The following KLHDC4 variants were observed in gnomAD, a reference collection of about 807,000 sequenced individuals.
The protein encoded by KLHDC4 is kelch domain-containing protein 4.
KLHDC4 carries 90 observed loss-of-function variants against 62.4 expected under a neutral mutation model. That is an observed-to-expected ratio of 1.44 (90% confidence interval 1.22 to 1.72). The LOEUF is 1.72. KLHDC4 is among the 40% of genes most tolerant of loss of function. The pLI, the probability that KLHDC4 is intolerant of heterozygous loss-of-function variation, is 0.00. For synonymous variants in KLHDC4, 386 were observed against 284.4 expected (o/e 1.36, Z -3.59); for missense variants, 1,025 against 699.7 (o/e 1.47, Z -5.25).
chr16:87,757,083 G>A (rs1419494298), intron 2 of KLHDC4, among the ~76,000 whole-genome samples: 2 of 151,910 alleles, frequency 1.3e-5, no homozygotes, highest in Non-Finnish European at 2.9e-5. Context: ...CCACAGTGCT[G>A]GGATTACAGG....
intron 6 of KLHDC4, among the ~76,000 whole-genome samples, chr16:87,730,316 TG>T (rs2040115858): frequency 6.6e-6 from 1 of 152,204 alleles, no homozygotes; most frequent in African/African-American, 2.4e-5. Flanking sequence ...AATTAAAATG[TG>T]GGGTCCCTTG....
chr16:87,728,481 A>G (rs1296334549), intron 6 of KLHDC4, among the ~76,000 whole-genome samples: 2 of 147,198 alleles, frequency 1.4e-5, no homozygotes, highest in Non-Finnish European at 3.0e-5. Context: ...TTTAAACAAG[A>G]TAACAACAGC....
chr16:87,764,598 A>C (rs1044607286), intron 1 of KLHDC4, among the ~76,000 whole-genome samples: 3 of 132,822 alleles, frequency 2.3e-5, no homozygotes, highest in African/African-American at 8.5e-5. Flanking sequence ...CAGTGAGCTG[A>C]GATCGCACCA....
rs532656762 is a variant in KLHDC4 at position 87,727,075 on chromosome 16, A to T, written c.600-151T>A. On this transcript the variant is annotated intron_variant, in intron 6 of 11. Coordinates refer to ENST00000270583, the MANE Select transcript of KLHDC4 (RefSeq NM_017566.4). Reference sequence around the variant, plus strand: ...TCCTCTGCTCTTACACCAACACAACAATCAACACAGAAACGTGGCCGCTTT... The same window carrying T: ...TCCTCTGCTCTTACACCAACACAACTATCAACACAGAAACGTGGCCGCTTT... 3.5e-5 allele frequency: 27 copies of T among 777,148 alleles called. No individual in the cohort carries two copies. The African/African-American group carries it at 5.7e-4, about 17-fold the overall frequency. The allele number at this position is 777,148 out of a possible 1,614,324, so 48.1% of individuals were successfully genotyped here.
chr16:87,749,830 C>G (rs764326793), intron 4 of KLHDC4, among the ~76,000 whole-genome samples: 1 of 152,188 alleles, frequency 6.6e-6, no homozygotes, highest in East Asian at 1.9e-4. Context: ...CCCGCCTCGG[C>G]CTCCCAAAGC....
At chr16:87,749,278 AGG>A (rs2043524657) in intron 4 of KLHDC4, among the ~76,000 whole-genome samples, 1 of 152,136 alleles carries the variant, frequency 6.6e-6, no homozygotes, top group Non-Finnish European at 1.5e-5. Flanking sequence ...TTTATGTGCC[AGG>A]CGCGGTGGCT....
At chr16:87,742,893 C>G (rs566173970) in intron 5 of KLHDC4, 1 of 152,348 alleles carries the variant, frequency 6.6e-6, no homozygotes, top group South Asian at 2.1e-4. Flanking sequence ...AAGACTCATT[C>G]TGCAAGGCGC....
At chr16:87,705,013 G>A (rs182322892), downstream of KLHDC4, among the ~76,000 whole-genome samples, 259 of 152,120 alleles carry the variant, frequency 1.7e-3, 2 homozygotes, top group African/African-American at 5.9e-3. Flanking sequence ...GCTGCCAAGC[G>A]GGCCGGCCAG....
chr16:87,718,278 G>A (rs958803697), intron 7 of KLHDC4, among the ~76,000 whole-genome samples: 61 of 139,038 alleles, frequency 4.4e-4, no homozygotes, highest in African/African-American at 2.7e-5. Context: ...AAACCGATTC[G>A]CTCTCGCTCT....
intron 4 of KLHDC4, among the ~76,000 whole-genome samples, chr16:87,754,958 A>G (rs1300235433): frequency 2.0e-5 from 3 of 152,130 alleles, no homozygotes; most frequent in Non-Finnish European, 4.4e-5. Context: ...GACACGAGCT[A>G]TTTTACATGG....
chr16:87,712,669 G>T (rs745583261), intron 8 of KLHDC4, among the ~76,000 whole-genome samples: 7 of 152,270 alleles, frequency 4.6e-5, no homozygotes, highest in Non-Finnish European at 1.5e-5. Flanking sequence ...CCTGGGAGAG[G>T]CACCTGGGCC....
chr16:87,702,415 C>G, exon 1 of KLHDC4: 1 of 372,512 alleles, frequency 2.7e-6, no homozygotes. Context: ...CACCCCCAGC[C>G]TGGGAACCCC....
chr16:87,733,326 G>C (rs1046304476), intron 5 of KLHDC4, among the ~76,000 whole-genome samples: 12 of 152,368 alleles, frequency 7.9e-5, no homozygotes, highest in South Asian at 2.1e-4. Flanking sequence ...AGACAGGGGT[G>C]GTGAGGAGGC....
rs564692904 is a variant in KLHDC4 at position 87,764,646 on chromosome 16, C to CAAAA, written c.99+1142_99+1145dup. On this transcript the variant is annotated intron_variant, in intron 1 of 11. Transcript: ENST00000270583. The stretch of plus-strand genomic sequence containing the variant: ...CTGGGCAACAAGAGTGAAACTCCTT[C>CAAAA]AAAAAAAAAAAAAAAAAAAAAAAAA... 7.1e-4 allele frequency among the ~76,000 whole-genome samples: 24 copies of CAAAA among 33,838 alleles called. 1 individual carries two copies. Among genetic ancestry groups the CAAAA allele is most frequent in the African/African-American group, 1.7e-3 (17 of 9,904 alleles). The allele number at this position is 33,838 out of a possible 152,430, so 22.2% of individuals were successfully genotyped here. A position where few individuals can be genotyped will look rare whatever the true frequency, so the allele number is the denominator to read the frequency against.
At chr16:87,709,779 G>T in intron 9 of KLHDC4, 112 bp from the exon 10 acceptor site, 1 of 1,289,770 alleles carries the variant, frequency 7.8e-7, no homozygotes, top group Non-Finnish European at 1.0e-6. Flanking sequence ...CAAGCGTGGG[G>T]AGTGTGTGAC....
chr16:87,698,249 G>A (rs2033984121), exon 1 of KLHDC4: 3 of 152,312 alleles, frequency 2.0e-5, no homozygotes, highest in African/African-American at 4.8e-5. Flanking sequence ...GAGGACTGAA[G>A]GTCATACATT....
At chr16:87,729,831 T>C (rs2040021815) in intron 6 of KLHDC4, among the ~76,000 whole-genome samples, 1 of 152,214 alleles carries the variant, frequency 6.6e-6, no homozygotes, top group Non-Finnish European at 1.5e-5. Flanking sequence ...ACCTGGGAGC[T>C]TGTTAAAATG....
intron 2 of KLHDC4, among the ~76,000 whole-genome samples, chr16:87,757,682 G>C (rs1175927651): frequency 6.6e-6 from 1 of 151,888 alleles, no homozygotes. Flanking sequence ...CTGAGGTGAG[G>C]AGTTCAAGAC....
intron 5 of KLHDC4, among the ~76,000 whole-genome samples, chr16:87,743,547 T>C (rs369308041): frequency 6.6e-6 from 1 of 151,932 alleles, no homozygotes; most frequent in East Asian, 2.0e-4. Context: ...GAGACCATCC[T>C]GGCTAACACA....
Sources: gnomAD v4.1 joint callset for allele counts (sites outside exome capture counted in the v4.1 genomes callset) on GRCh38, gnomAD v4.1.1 for gene constraint, MANE v1.5 for transcripts, NCBI Gene and HGNC (gene_info 2026-07-23, HGNC 2026-07-21) for gene names.